Variants in SMYD3 observed in about 807,000 individuals in gnomAD.
SMYD3 encodes the protein SET and MYND domain containing 3.
In SMYD3, 36 loss-of-function variants were observed where a neutral mutation model predicts 57.7. The ratio of observed to expected loss-of-function variants is 0.62; its 90% CI spans 0.48 to 0.82. The LOEUF (loss-of-function observed/expected upper bound fraction) is 0.82, where lower values mean the gene tolerates loss of function less well. Among genes scored for constraint, SMYD3 ranks in the 40% least tolerant of loss-of-function variants. SMYD3 has a pLI of 0.00. For missense variants in SMYD3, 515 were observed against 538.8 expected (o/e 0.96, Z 0.44); for synonymous variants, 211 against 195.0 (o/e 1.08, Z -0.68).
At chr1:245,980,905 G>A (rs1259609498) in intron 5 of SMYD3, among the ~76,000 whole-genome samples, 1 of 152,138 alleles carries the variant, frequency 6.6e-6, no homozygotes, top group Non-Finnish European at 1.5e-5. Flanking sequence ...GTTGGTACTC[G>A]TCCCTGCCTT....
intron 5 of SMYD3, among the ~76,000 whole-genome samples, chr1:246,271,601 T>C (rs1197641): frequency 0.37 from 56,033 of 152,086 alleles, 11,178 homozygotes; most frequent in East Asian, 0.79. Context: ...GAAAATCATT[T>C]GACCATATAG....
At chr1:246,294,304 C>T (rs1336401970) in intron 5 of SMYD3, among the ~76,000 whole-genome samples, 19 of 152,200 alleles carry the variant, frequency 1.2e-4, no homozygotes, top group Admixed American at 3.3e-4. Context: ...CAGAAGCAAC[C>T]AGGGCCCACT....
chr1:246,358,835 G>A (rs1180840904), intron 1 of SMYD3, among the ~76,000 whole-genome samples: 1 of 152,062 alleles, frequency 6.6e-6, no homozygotes, highest in African/African-American at 2.4e-5. Context: ...AGAAAGTTCG[G>A]AGCATTAAAT....
At chr1:245,898,491 T>C (rs1160735459) in intron 8 of SMYD3, among the ~76,000 whole-genome samples, 1 of 152,202 alleles carries the variant, frequency 6.6e-6, no homozygotes, top group South Asian at 2.1e-4. Context: ...GAGTATGAAG[T>C]TGATCCTGAG....
chr1:245,952,950 T>A (rs965981023), intron 5 of SMYD3, among the ~76,000 whole-genome samples: 3 of 152,110 alleles, frequency 2.0e-5, no homozygotes, highest in African/African-American at 7.2e-5. Flanking sequence ...AAGGTGAAGA[T>A]CAAGTATCTT....
intron 5 of SMYD3, among the ~76,000 whole-genome samples, chr1:246,253,245 C>A (rs1348087104): frequency 6.6e-6 from 1 of 152,136 alleles, no homozygotes; most frequent in Non-Finnish European, 1.5e-5. Flanking sequence ...CAGTTTCCAC[C>A]AGTTAGGTTT....
intron 1 of SMYD3, among the ~76,000 whole-genome samples, chr1:246,385,658 T>C (rs1480950396): frequency 6.6e-6 from 1 of 152,190 alleles, no homozygotes; most frequent in Non-Finnish European, 1.5e-5. Context: ...CTCCAAACTG[T>C]GCATTATATT....
At chr1:246,338,123 T>C (rs752928334) in intron 2 of SMYD3, among the ~76,000 whole-genome samples, 1 of 152,198 alleles carries the variant, frequency 6.6e-6, no homozygotes, top group Non-Finnish European at 1.5e-5. Flanking sequence ...TAGGCATAAA[T>C]AGAGAAAGCA....
At chr1:246,386,752 T>C (rs2066488521) in intron 1 of SMYD3, among the ~76,000 whole-genome samples, 1 of 151,960 alleles carries the variant, frequency 6.6e-6, no homozygotes. Flanking sequence ...CTATAGACAA[T>C]ATGACAATGA....
rs577577527 is a variant in SMYD3 at position 246,162,190 on chromosome 1, T to C, written c.531+165011A>G. 4.6e-5 allele frequency among the ~76,000 whole-genome samples: 7 copies of C among 152,320 alleles called. No homozygotes were observed. The South Asian group carries it at 1.2e-3, about 27-fold the overall frequency. ...AGTAATGCTATCCCGCAATGACCAC[T>C]AATTGAAATGCCAACAACTCCAAGT... On this transcript the variant is annotated intron_variant, in intron 5 of 11. Transcript: ENST00000490107.
intron 8 of SMYD3, among the ~76,000 whole-genome samples, chr1:245,888,591 C>T (rs903529737): frequency 6.6e-6 from 1 of 152,180 alleles, no homozygotes; most frequent in Non-Finnish European, 1.5e-5. Flanking sequence ...CTCCTCTCTG[C>T]AAAATGCTGA....
chr1:246,188,610 T>G (rs1428951110), intron 5 of SMYD3, among the ~76,000 whole-genome samples: 1 of 152,122 alleles, frequency 6.6e-6, no homozygotes, highest in East Asian at 1.9e-4. Context: ...TTGACATTTT[T>G]TTTTTTAATA....
intron 5 of SMYD3, among the ~76,000 whole-genome samples, chr1:246,261,212 C>T (rs1458644870): frequency 6.6e-6 from 1 of 152,108 alleles, no homozygotes; most frequent in South Asian, 2.1e-4. Flanking sequence ...GCGCCCGCCA[C>T]CACGCCTGGC....
At position 246,142,654 on chromosome 1, in the gene SMYD3, G is replaced by A. The variant is rs577546621; in HGVS notation, c.531+184547C>T. Among the ~76,000 whole-genome samples the A allele has an allele frequency of 1.6e-4, 24 of 152,248 alleles. No homozygotes were observed. In the East Asian group the frequency reaches 4.1e-3, roughly 26 times the overall value. ...CATCATGCTTCTCAGAACAGTGCAC[G>A]ACTGTAAACCTATGAACTGTTTATT... is the stretch of plus-strand genomic sequence containing the variant. On this transcript the variant is annotated intron_variant, in intron 5 of 11. Transcript: ENST00000490107.
At position 246,315,976 on chromosome 1, in the gene SMYD3, G is replaced by A. The variant is rs147984924; in HGVS notation, c.531+11225C>T. ...TCTGCCTATTACAAAATTTAATAGA[G>A]CAGTTTATCACAGTTTTTCATCACT... On this transcript the variant is annotated intron_variant, in intron 5 of 11. Transcript: ENST00000490107. 4.7e-4 allele frequency among the ~76,000 whole-genome samples: 71 copies of A among 152,258 alleles called. No individual in the cohort carries two copies. The East Asian group carries it at 0.012, about 27-fold the overall frequency.
chr1:245,858,367 A>T, intron 10 of SMYD3, 129 bp downstream of exon 10: 2 of 941,900 alleles, frequency 2.1e-6, no homozygotes, highest in Non-Finnish European at 3.1e-6. Flanking sequence ...ACTTGGTTTT[A>T]AACAATGGTT....
At chr1:246,318,314 A>G (rs1427903561) in intron 5 of SMYD3, among the ~76,000 whole-genome samples, 5 of 152,334 alleles carry the variant, frequency 3.3e-5, no homozygotes, top group Admixed American at 2.0e-4. Flanking sequence ...TCAAGGCTGC[A>G]GTGAGCTATG....
chr1:246,002,827 G>A (rs571252589), intron 5 of SMYD3, among the ~76,000 whole-genome samples: 2 of 152,010 alleles, frequency 1.3e-5, no homozygotes, highest in South Asian at 2.1e-4. Context: ...ATCGCTCACC[G>A]CAGCCTCGAC....
In SMYD3 at chr1:246,454,777, G is replaced by C. The variant is rs577063385; in HGVS notation, c.164+52277C>G. On this transcript the variant is annotated intron_variant, in intron 1 of 11. Coordinates refer to ENST00000490107, the MANE Select transcript of SMYD3 (RefSeq NM_001167740.2). Reference sequence around the variant, plus strand: ...AAGGAAACACATAAAAATACTCAAAGATTTCTTATATAAAGCAACAGGACT... The same window carrying C: ...AAGGAAACACATAAAAATACTCAAACATTTCTTATATAAAGCAACAGGACT... Among the ~76,000 whole-genome samples, 77 of 152,258 alleles carry C rather than the reference G, an allele frequency of 5.1e-4. No individual in the cohort carries two copies. In the South Asian group the frequency reaches 0.015, roughly 30 times the overall value.
Sources: gnomAD v4.1 joint callset for allele counts (sites outside exome capture counted in the v4.1 genomes callset) on GRCh38, gnomAD v4.1.1 for gene constraint, MANE v1.5 for transcripts, NCBI Gene and HGNC (gene_info 2026-07-23, HGNC 2026-07-21) for gene names.